Variants in CADM1 observed in about 807,000 individuals in gnomAD.
CADM1 encodes cell adhesion molecule 1.
In CADM1, 15 loss-of-function variants were observed where a neutral mutation model predicts 53.1. The ratio of observed to expected loss-of-function variants is 0.28; its 90% CI spans 0.19 to 0.44. The LOEUF (loss-of-function observed/expected upper bound fraction) is 0.44. Among genes scored for constraint, CADM1 ranks in the 20% least tolerant of loss-of-function variants. CADM1 has a pLI of 1.00. For synonymous variants in CADM1, 281 were observed against 243.0 expected, an observed-to-expected ratio of 1.16 and a Z score of -1.45; for missense variants, 434 against 611.3, an observed-to-expected ratio of 0.71 and a Z score of 3.06.
intron 1 of CADM1, among the ~76,000 whole-genome samples, chr11:115,359,836 T>G (rs576249811): frequency 5.9e-5 from 9 of 152,340 alleles, no homozygotes; most frequent in Non-Finnish European, 1.3e-4. Context: ...GGGTTAAGTT[T>G]GAGACCTACG....
intron 1 of CADM1, among the ~76,000 whole-genome samples, chr11:115,251,136 AGAG>A (rs1331360359): frequency 2.6e-5 from 4 of 152,236 alleles, no homozygotes; most frequent in African/African-American, 4.8e-5. Context: ...TAGTATTTAG[AGAG>A]GAGATGTCTG....
chr11:115,186,953 G>C (rs1392683656), intron 10 of CADM1, among the ~76,000 whole-genome samples: 4 of 152,168 alleles, frequency 2.6e-5, no homozygotes, highest in Non-Finnish European at 5.9e-5. Context: ...TGTTGGTCTT[G>C]TTCACTGCAG....
intron 5 of CADM1, among the ~76,000 whole-genome samples, chr11:115,224,289 G>GAA (rs71969260): frequency 6.8e-6 from 1 of 147,120 alleles, no homozygotes; most frequent in South Asian, 2.1e-4. Flanking sequence ...GGGAATGAAA[G>GAA]AAAAAAAAAA....
In CADM1 at chr11:115,267,917, G is replaced by C. The variant is rs200512956; in HGVS notation, c.125-27497C>G. On this transcript the variant is annotated intron_variant, in intron 1 of 11. Coordinates refer to ENST00000331581, the MANE Select transcript of CADM1 (RefSeq NM_001301043.2). ...CACCGGGCTGAATTCAAACCTCAAG[G>C]GAATGAAAGTGAGTAAATAGGGTTC... is the stretch of plus-strand genomic sequence containing the variant. Among the ~76,000 whole-genome samples the C allele has an allele frequency of 5.3e-5, 8 of 151,916 alleles. No individual in the cohort carries two copies. The East Asian group carries it at 1.5e-3, about 29-fold the overall frequency.
intron 1 of CADM1, among the ~76,000 whole-genome samples, chr11:115,266,557 CA>C (rs1362442199): frequency 2.6e-5 from 4 of 152,194 alleles, no homozygotes; most frequent in African/African-American, 9.6e-5. Flanking sequence ...CCACATTTAC[CA>C]ACTTAATGCT....
At chr11:115,209,959 AGGTGAGGTTAAATCAACT>A (rs1940882083) in intron 7 of CADM1, among the ~76,000 whole-genome samples, 1 of 152,218 alleles carries the variant, frequency 6.6e-6, no homozygotes, top group Non-Finnish European at 1.5e-5. Flanking sequence ...CAGATTTCAA[AGGTGAGGTTAAATCAACT>A]CAGTACCAAG....
At chr11:115,219,124 T>C (rs34352030) in intron 5 of CADM1, among the ~76,000 whole-genome samples, 8,978 of 152,220 alleles carry the variant, frequency 0.059, 378 homozygotes, top group Admixed American at 0.14. Context: ...AAGGTCAAAA[T>C]AATTACCATA....
intron 1 of CADM1, among the ~76,000 whole-genome samples, chr11:115,481,721 C>G (rs939306937): frequency 6.6e-6 from 1 of 152,160 alleles, no homozygotes; most frequent in African/African-American, 2.4e-5. Flanking sequence ...TGACCATTAA[C>G]CTAGACTCCT....
intron 1 of CADM1, among the ~76,000 whole-genome samples, chr11:115,476,091 T>C (rs933327676): frequency 2.0e-5 from 3 of 152,180 alleles, no homozygotes; most frequent in Non-Finnish European, 2.9e-5. Flanking sequence ...ATTATGGTAT[T>C]ACCAAAGTCT....
intron 1 of CADM1, among the ~76,000 whole-genome samples, chr11:115,460,444 CCCA>C (rs1948770401): frequency 6.6e-6 from 1 of 152,184 alleles, no homozygotes; most frequent in South Asian, 2.1e-4. Flanking sequence ...AAAATCCTCT[CCCA>C]CAAGTAACCA....
intron 1 of CADM1, among the ~76,000 whole-genome samples, chr11:115,390,198 G>C (rs1338332505): frequency 2.0e-5 from 3 of 152,144 alleles, no homozygotes; most frequent in Admixed American, 6.5e-5. Context: ...TGTGACAGTG[G>C]CTTCACTGAT....
chr11:115,472,581 C>T (rs891245416), intron 1 of CADM1, among the ~76,000 whole-genome samples: 8 of 152,120 alleles, frequency 5.3e-5, no homozygotes, highest in Admixed American at 6.5e-5. Context: ...CAAAATTCTC[C>T]GGTTTGCCAA....
At position 115,169,370 on chromosome 11, in the gene CADM1, A is replaced by C. The variant is rs948931258; in HGVS notation, c.*7104T>G. On this transcript the variant is annotated 3_prime_UTR_variant, in exon 12 of 12. Transcript: ENST00000331581. ...TCTATTATTTTCCATAAACTGTCTT[A>C]AGCATCTCCCGGGCTACATTTCTGG... is the stretch of plus-strand genomic sequence containing the variant. The C allele has an allele frequency of 5.9e-6, 2 of 340,772 alleles. No individual in the cohort carries two copies. The highest frequency in any genetic ancestry group is 1.2e-5 in the Non-Finnish European group (2 of 172,408). 21.1% of individuals were successfully genotyped at this position (340,772 alleles called of 1,614,324 possible). A position where few individuals can be genotyped will look rare whatever the true frequency, so the allele number is the denominator to read the frequency against.
intron 1 of CADM1, among the ~76,000 whole-genome samples, chr11:115,464,361 A>G (rs1052623512): frequency 6.6e-6 from 1 of 152,216 alleles, no homozygotes; most frequent in Non-Finnish European, 1.5e-5. Flanking sequence ...TATGGAGAAC[A>G]TTAAATTAAA....
At chr11:115,370,772 T>C (rs1178216575) in intron 1 of CADM1, among the ~76,000 whole-genome samples, 1 of 152,184 alleles carries the variant, frequency 6.6e-6, no homozygotes. Flanking sequence ...ATTTTATAGT[T>C]ATCCACCCTG....
chr11:115,466,581 T>G (rs1273727409), intron 1 of CADM1, among the ~76,000 whole-genome samples: 1 of 152,198 alleles, frequency 6.6e-6, no homozygotes, highest in Non-Finnish European at 1.5e-5. Context: ...TTAGCACGTG[T>G]CTTCAGAATA....
At chr11:115,416,837 T>G (rs1251364359) in intron 1 of CADM1, among the ~76,000 whole-genome samples, 1 of 152,140 alleles carries the variant, frequency 6.6e-6, no homozygotes, top group Non-Finnish European at 1.5e-5. Flanking sequence ...ATATTTTGAC[T>G]TTTTCAAACT....
intron 1 of CADM1, among the ~76,000 whole-genome samples, chr11:115,322,501 T>G (rs1591707410): frequency 6.6e-6 from 1 of 152,222 alleles, no homozygotes; most frequent in South Asian, 2.1e-4. Flanking sequence ...CTATCACTAC[T>G]ATCTAATTTC....
At chr11:115,302,455 G>C (rs1944252857) in intron 1 of CADM1, among the ~76,000 whole-genome samples, 1 of 151,960 alleles carries the variant, frequency 6.6e-6, no homozygotes, top group African/African-American at 2.4e-5. Flanking sequence ...GAGTTTTCCA[G>C]ATTTTTCCTA....
Sources: gnomAD v4.1 joint callset for allele counts (sites outside exome capture counted in the v4.1 genomes callset) on GRCh38, gnomAD v4.1.1 for gene constraint, MANE v1.5 for transcripts, NCBI Gene and HGNC (gene_info 2026-07-23, HGNC 2026-07-21) for gene names.